TMEM98: variants seen among roughly 807,000 people sequenced by gnomAD.
The protein encoded by TMEM98 is transmembrane protein 98.
In TMEM98, 18 loss-of-function variants were observed where a neutral mutation model predicts 25.0. The ratio of observed to expected loss-of-function variants is 0.72; its 90% CI spans 0.50 to 1.07. The LOEUF (loss-of-function observed/expected upper bound fraction) is 1.07. Among genes scored for constraint, TMEM98 ranks in the 50% least tolerant of loss-of-function variants. The pLI is 0.00. For missense variants in TMEM98, 241 were observed against 289.0 expected (o/e 0.83, Z 1.20); for synonymous variants, 103 against 112.4 (o/e 0.92, Z 0.53).
chr17:32,939,144 T>A (rs547662891), intron 6 of TMEM98, among the ~76,000 whole-genome samples: 30 of 152,262 alleles, frequency 2.0e-4, no homozygotes, highest in African/African-American at 7.2e-4. Flanking sequence ...GTGGCTCACG[T>A]GCCTGTAATC....
chr17:32,928,756 A>G (rs1380038653), intron 1 of TMEM98, among the ~76,000 whole-genome samples: 1 of 151,434 alleles, frequency 6.6e-6, no homozygotes, highest in Admixed American at 6.6e-5. Context: ...CAGGTCACAC[A>G]CACAAGCACA....
intron 3 of TMEM98, 142 bp from the exon 4 acceptor site, chr17:32,933,032 A>G: frequency 8.1e-7 from 1 of 1,232,906 alleles, no homozygotes; most frequent in Non-Finnish European, 1.1e-6. Flanking sequence ...CACTAGGCTT[A>G]GGTTTGGATC....
chr17:32,929,211 A>G (rs981901308), intron 1 of TMEM98, among the ~76,000 whole-genome samples: 2 of 151,972 alleles, frequency 1.3e-5, no homozygotes, highest in African/African-American at 4.8e-5. Context: ...CACACTCAGA[A>G]GCACACTCTG....
chr17:32,929,408 G>C (rs1057229049), intron 1 of TMEM98, among the ~76,000 whole-genome samples: 4 of 152,072 alleles, frequency 2.6e-5, no homozygotes, highest in African/African-American at 9.7e-5. Flanking sequence ...CTGGGGACCG[G>C]GGGAGGGGAA....
At chr17:32,935,758 C>T (rs1466537750) in intron 5 of TMEM98, among the ~76,000 whole-genome samples, 1 of 152,210 alleles carries the variant, frequency 6.6e-6, no homozygotes, top group Non-Finnish European at 1.5e-5. Context: ...GGGTGGCCAG[C>T]TCTGTGGGTG....
In TMEM98 at chr17:32,940,810, C is replaced by T. The variant is rs779642641; in HGVS notation, c.498C>T (p.Val166=). 6.2e-7 allele frequency: 1 copy of T among 1,613,984 alleles called. No homozygotes were observed. Among genetic ancestry groups the T allele is most frequent in the Admixed American group, 1.7e-5 (1 of 60,002 alleles). The change falls in exon 8 of 8, where the codon GTC becomes GTT. Residue 166 remains valine, a synonymous_variant. Transcript: ENST00000579849. The stretch of plus-strand genomic sequence containing the variant: ...GGACGACTGCCCTGCTCCTGTCTGT[C>T]AGTCACCTGGTGCTGGTGACAAGGA... ...DARTTALLLS[V]SHLVLVTRNA...
Position 32,943,229 on chromosome 17 carries a change from A to G in TMEM98, c.*2236A>G, listed in dbSNP as rs1275603415. On this transcript the variant is annotated 3_prime_UTR_variant, in exon 8 of 8. Coordinates refer to ENST00000579849, the MANE Select transcript of TMEM98 (RefSeq NM_015544.3). ...CCACTGCTGTGTAGTTTTTTTTTCT[A>G]GTGCTGGACAAGTAAGAAGCCTCTG... 1 of 151,824 alleles carries G rather than the reference A, an allele frequency of 6.6e-6. No individual in the cohort carries two copies. The highest frequency in any genetic ancestry group is 2.4e-5 in the African/African-American group (1 of 41,280). The allele number at this position is 151,824 out of a possible 1,614,324, so 9.4% of individuals were successfully genotyped here. A position where few individuals can be genotyped will look rare whatever the true frequency, so the allele number is the denominator to read the frequency against.
At chr17:32,937,692 G>A (rs979403415) in intron 6 of TMEM98, among the ~76,000 whole-genome samples, 1 of 152,180 alleles carries the variant, frequency 6.6e-6, no homozygotes, top group African/African-American at 2.4e-5. Flanking sequence ...CCGGGTTCAA[G>A]CGATTCTCCT....
At chr17:32,929,225 AAC>A (rs1411134184) in intron 1 of TMEM98, among the ~76,000 whole-genome samples, 2 of 151,984 alleles carry the variant, frequency 1.3e-5, no homozygotes, top group Non-Finnish European at 2.9e-5. Context: ...CACTCTGAGA[AAC>A]AGCTCACACA....
Position 32,936,434 on chromosome 17 carries a change from C to A in TMEM98, c.400C>A (p.Arg134=), listed in dbSNP as rs751648753. 1 of 1,614,112 alleles carries A rather than the reference C, an allele frequency of 6.2e-7. No individual in the cohort carries two copies. The highest frequency in any genetic ancestry group is 8.5e-7 in the Non-Finnish European group (1 of 1,179,966). The change falls in exon 6 of 8, where the codon CGG becomes AGG. Residue 134 remains arginine (R), a synonymous_variant. Transcript: ENST00000579849. Reference sequence around the variant, plus strand: ...CAGCGACATCATTGTGGTGGCCAAGCGGATCAGCCCCAGGTGAGCAATTGG... The same window carrying A: ...CAGCGACATCATTGTGGTGGCCAAGAGGATCAGCCCCAGGTGAGCAATTGG... ...SVSDIIVVAK[R]ISPRVDDVVK...
rs1269963305 is a variant in TMEM98, at chr17:32,928,232, C to T, written c.-136C>T. 7.4e-5 allele frequency: 11 copies of T among 148,690 alleles called. No individual in the cohort carries two copies. 9.2% of individuals were successfully genotyped at this position (148,690 alleles called of 1,614,324 possible). A position where few individuals can be genotyped will look rare whatever the true frequency, so the allele number is the denominator to read the frequency against. The stretch of plus-strand genomic sequence containing the variant: ...CGCGGGATGCGCCCGGGAGCCACAG[C>T]CTGAGGTGGGTGAGCCCCGCCGGGC... On this transcript the variant is annotated 5_prime_UTR_variant, in exon 1 of 8. Coordinates refer to ENST00000579849, the MANE Select transcript of TMEM98 (RefSeq NM_015544.3).
In TMEM98 at chr17:32,936,987, T is replaced by C. The variant is rs29007; in HGVS notation, c.413+540T>C. 2.4e-4 allele frequency among the ~76,000 whole-genome samples: 37 copies of C among 152,346 alleles called. No homozygotes were observed. The South Asian group carries it at 7.7e-3, about 32-fold the overall frequency. Reference sequence around the variant, plus strand: ...ATTCCAGGCTAACTGCGAAATCCCGTGTGGGAGGCAACCAGCAGGATTGCA... The same window carrying C: ...ATTCCAGGCTAACTGCGAAATCCCGCGTGGGAGGCAACCAGCAGGATTGCA... On this transcript the variant is annotated intron_variant, in intron 6 of 7. Coordinates refer to ENST00000579849, the MANE Select transcript of TMEM98 (RefSeq NM_015544.3).
intron 6 of TMEM98, among the ~76,000 whole-genome samples, chr17:32,937,765 A>G (rs981511028): frequency 6.6e-6 from 1 of 151,906 alleles, no homozygotes; most frequent in Non-Finnish European, 1.5e-5. Flanking sequence ...TAATTTTTGT[A>G]TTTTTAGTAG....
intron 6 of TMEM98, 63 bp from the exon 7 acceptor site, chr17:32,939,414 A>AG (rs1358238021): frequency 8.8e-5 from 130 of 1,476,010 alleles, no homozygotes; most frequent in Non-Finnish European, 1.1e-4. Flanking sequence ...CTCAGGAAAA[A>AG]AAAAAAAAGG....
chr17:32,936,114 T>G lies in TMEM98; in HGVS notation c.298-218T>G, dbSNP rs373639201. 3.9e-5 allele frequency among the ~76,000 whole-genome samples: 6 copies of G among 152,294 alleles called. No individual in the cohort carries two copies. The South Asian group carries it at 8.3e-4, about 21-fold the overall frequency. ...CTTCCCAGAGCCCACACCCTGCCCT[T>G]GATCTGCGGCTCCCACCCCAGGTCC... On this transcript the variant is annotated intron_variant, in intron 5 of 7. Coordinates refer to ENST00000579849, the MANE Select transcript of TMEM98 (RefSeq NM_015544.3).
rs191126446 is a variant in TMEM98, at chr17:32,928,764, A to T, written c.-131+527A>T. 6.5e-4 allele frequency among the ~76,000 whole-genome samples: 97 copies of T among 148,600 alleles called. 2 individuals carry two copies. Among genetic ancestry groups the T allele is most frequent in the Admixed American group, 1.9e-3 (28 of 15,098 alleles). ...AAACACTCAGGTCACACACACAAGCACACTAAGAAACATTCAGTTCACACA... is the reference window on the plus strand; with the variant it reads ...AAACACTCAGGTCACACACACAAGCTCACTAAGAAACATTCAGTTCACACA... On this transcript the variant is annotated intron_variant, in intron 1 of 7. Transcript: ENST00000579849.
intron 1 of TMEM98, among the ~76,000 whole-genome samples, chr17:32,928,712 A>G (rs2091446643): frequency 1.3e-5 from 2 of 152,062 alleles, no homozygotes; most frequent in Non-Finnish European, 2.9e-5. Context: ...CACTCAGCTC[A>G]CACGCACTGA....
intron 7 of TMEM98, among the ~76,000 whole-genome samples, chr17:32,939,992 G>A (rs2091520063): frequency 6.6e-6 from 1 of 152,178 alleles, no homozygotes; most frequent in Non-Finnish European, 1.5e-5. Flanking sequence ...TACACAGAGT[G>A]TACTTAGCCC....
At chr17:32,931,802 C>A in intron 3 of TMEM98, 143 bp downstream of exon 3, 1 of 1,120,250 alleles carries the variant, frequency 8.9e-7, no homozygotes, top group Non-Finnish European at 1.2e-6. Flanking sequence ...CCTGTAAAGA[C>A]CTCAGAGTTT....
Sources: gnomAD v4.1 joint callset for allele counts (sites outside exome capture counted in the v4.1 genomes callset) on GRCh38, gnomAD v4.1.1 for gene constraint, MANE v1.5 for transcripts, NCBI Gene and HGNC (gene_info 2026-07-23, HGNC 2026-07-21) for gene names.